DISP1: variants seen among roughly 807,000 people sequenced by gnomAD.
DISP1 encodes the protein protein dispatched homolog 1.
In DISP1, 30 loss-of-function variants were observed where a neutral mutation model predicts 37.3. The ratio of observed to expected loss-of-function variants is 0.80; its 90% confidence interval spans 0.60 to 1.09. The LOEUF (loss-of-function observed/expected upper bound fraction) is 1.09. DISP1 is among the 50% of genes least tolerant of loss of function. The pLI is 0.00. For synonymous variants in DISP1, 634 were observed against 690.2 expected, an observed-to-expected ratio of 0.92 and a Z score of 1.28; for missense variants, 1,598 against 1,879.5, an observed-to-expected ratio of 0.85 and a Z score of 2.77.
chr1:222,955,314 A>C (rs1473321278), intron 3 of DISP1, among the ~76,000 whole-genome samples: 2 of 151,996 alleles, frequency 1.3e-5, no homozygotes, highest in Non-Finnish European at 2.9e-5. Context: ...CAAACTCCTG[A>C]CCTCAAGTGA....
intron 2 of DISP1, among the ~76,000 whole-genome samples, chr1:222,931,691 T>C (rs1177817462): frequency 6.6e-6 from 1 of 151,698 alleles, no homozygotes; most frequent in Admixed American, 6.6e-5. Context: ...GAATCTTTTT[T>C]TTTTTTTTTT....
intron 1 of DISP1, among the ~76,000 whole-genome samples, chr1:222,865,963 G>A (rs994535268): frequency 1.3e-5 from 2 of 152,142 alleles, no homozygotes; most frequent in Non-Finnish European, 2.9e-5. Flanking sequence ...GTATCTTCTT[G>A]TAGGAGTACA....
At chr1:222,954,087 T>G (rs1055241352) in intron 3 of DISP1, among the ~76,000 whole-genome samples, 6 of 150,000 alleles carry the variant, frequency 4.0e-5, no homozygotes, top group Admixed American at 3.3e-4. Flanking sequence ...TCTTTTTGGT[T>G]AAAAAAAAAA....
chr1:222,997,217 GC>G (rs1679140039), intron 8 of DISP1, among the ~76,000 whole-genome samples: 1 of 152,086 alleles, frequency 6.6e-6, no homozygotes. Context: ...AAATAATAAA[GC>G]TAAGGATGAG....
intron 1 of DISP1, among the ~76,000 whole-genome samples, chr1:222,865,002 A>G (rs1669104882): frequency 6.7e-6 from 1 of 149,866 alleles, no homozygotes; most frequent in Non-Finnish European, 1.5e-5. Context: ...TAATGATGCT[A>G]ACTCTTGAGA....
chr1:222,983,214 A>T, intron 4 of DISP1, 105 bp downstream of exon 4: 1 of 917,296 alleles, frequency 1.1e-6, no homozygotes, highest in Non-Finnish European at 1.8e-6. Flanking sequence ...TTCCTCATTC[A>T]TATTTTTATG....
intron 1 of DISP1, chr1:222,837,244 G>T (rs1336443093): frequency 5.1e-6 from 2 of 392,268 alleles, no homozygotes; most frequent in Non-Finnish European, 9.0e-6. Context: ...CTTGGATCCA[G>T]AGATGGACGC....
chr1:222,980,575 C>T (rs1016117981), intron 3 of DISP1, among the ~76,000 whole-genome samples: 10 of 152,208 alleles, frequency 6.6e-5, no homozygotes, highest in African/African-American at 2.4e-4. Context: ...ATTCATTAAT[C>T]CAACACGCAC....
At chr1:222,957,145 TAAAAAAAAAAAAA>T (rs35888809) in intron 3 of DISP1, among the ~76,000 whole-genome samples, 1 of 103,270 alleles carries the variant, frequency 9.7e-6, no homozygotes. Flanking sequence ...TTTACTATTG[TAAAAAAAAAAAAA>T]AAAAAAAAAA....
chr1:222,864,382 A>C (rs1459348066), intron 1 of DISP1, among the ~76,000 whole-genome samples: 4 of 152,310 alleles, frequency 2.6e-5, no homozygotes, highest in Non-Finnish European at 4.4e-5. Flanking sequence ...AGGTATTAAT[A>C]GATGCTAAAT....
Position 222,909,374 on chromosome 1 carries a change from CA to C in DISP1, c.-158-19054del, listed in dbSNP as rs1193685655. On this transcript the variant is annotated intron_variant, in intron 1 of 8. Coordinates refer to ENST00000675850, the MANE Select transcript of DISP1 (RefSeq NM_001377229.1). ...ATTACATTCATTTGGATAAAATGGA[CA>C]ATATGGTTGTTATAAATCAAAGCAA... 3.9e-5 allele frequency among the ~76,000 whole-genome samples: 6 copies of C among 152,258 alleles called. No homozygotes were observed. The East Asian group carries it at 1.2e-3, about 29-fold the overall frequency.
At chr1:222,854,881 T>C (rs1668466704) in intron 1 of DISP1, among the ~76,000 whole-genome samples, 2 of 152,000 alleles carry the variant, frequency 1.3e-5, no homozygotes, top group African/African-American at 4.8e-5. Context: ...GAGGATGGCT[T>C]CTTTAGAGAC....
intron 3 of DISP1, among the ~76,000 whole-genome samples, chr1:222,972,967 G>T (rs1677063875): frequency 6.6e-6 from 1 of 152,010 alleles, no homozygotes; most frequent in African/African-American, 2.4e-5. Flanking sequence ...TGATTCCAGT[G>T]GTCATCAAAT....
At chr1:222,842,780 T>G (rs1219680131) in intron 1 of DISP1, among the ~76,000 whole-genome samples, 1 of 152,052 alleles carries the variant, frequency 6.6e-6, no homozygotes. Flanking sequence ...AGCTCAACAT[T>G]TCCCACATTG....
At chr1:222,983,861 T>C (rs1678022143) in intron 4 of DISP1, among the ~76,000 whole-genome samples, 1 of 152,132 alleles carries the variant, frequency 6.6e-6, no homozygotes, top group Admixed American at 6.5e-5. Flanking sequence ...TTTAACTTGA[T>C]AAGAGTTCCT....
chr1:222,939,352 A>G (rs918873638), intron 2 of DISP1, among the ~76,000 whole-genome samples: 115 of 140,720 alleles, frequency 8.2e-4, no homozygotes, highest in Non-Finnish European at 1.4e-3. Context: ...ATGAAGAAAA[A>G]TAATTTTTTT....
chr1:222,872,272 C>T (rs1035346441), intron 1 of DISP1: 1 of 152,114 alleles, frequency 6.6e-6, no homozygotes, highest in Non-Finnish European at 1.5e-5. Context: ...CTCTGCCAGG[C>T]TTTGGTATCA....
At chr1:222,944,765 T>C (rs1314246618) in intron 3 of DISP1, among the ~76,000 whole-genome samples, 1 of 152,236 alleles carries the variant, frequency 6.6e-6, no homozygotes, top group Non-Finnish European at 1.5e-5. Flanking sequence ...TTGGCAATCT[T>C]TGCTCAGCAT....
chr1:222,989,800 A>G (rs1268097380), intron 4 of DISP1, among the ~76,000 whole-genome samples: 1 of 74,768 alleles, frequency 1.3e-5, no homozygotes, highest in African/African-American at 4.5e-5. Flanking sequence ...GGAAGTGTTT[A>G]GTTTAGTTTT....
Sources: allele counts gnomAD v4.1 joint callset (sites outside exome capture counted in the v4.1 genomes callset), GRCh38; gene constraint gnomAD v4.1.1; transcripts MANE v1.5; gene names NCBI Gene and HGNC (gene_info 2026-07-23, HGNC 2026-07-21).